The following PHRF1 variants were observed in gnomAD, a reference collection of about 807,000 sequenced individuals.
PHRF1 encodes the protein PHD and ring finger domains 1, also known as PHD and RING finger domain-containing protein 1.
PHRF1 carries 53 observed loss-of-function variants against 128.9 expected under a neutral mutation model. The ratio of observed to expected loss-of-function variants is 0.41; its 90% confidence interval spans 0.33 to 0.52. The LOEUF (loss-of-function observed/expected upper bound fraction) is 0.52. PHRF1 is among the 20% of genes least tolerant of loss of function. The pLI is 0.21. For synonymous variants in PHRF1, 1,178 were observed against 980.6 expected, an observed-to-expected ratio of 1.20 and a Z score of -3.76; for missense variants, 2,503 against 2,284.5, an observed-to-expected ratio of 1.10 and a Z score of -1.95.
chr11:607,072 T>C lies in PHRF1; in HGVS notation c.1616T>C (p.Val539Ala). 1 of 1,553,480 alleles carries C rather than the reference T, an allele frequency of 6.4e-7. No individual in the cohort carries two copies. The highest frequency in any genetic ancestry group is 8.7e-7 in the Non-Finnish European group (1 of 1,148,992). ...GSLSAKRAAP[V>A]SFQRNSGSLS... ...TGACTTTTTTGTTTTTTAGCTCCAG[T>C]TTCTTTTCAGCGAAACTCAGGCAGT... The change falls in exon 14 of 18, where the codon GTT becomes GCT. Residue 539 changes from valine to alanine, a missense_variant. Val to Ala is a moderately conservative substitution (Grantham distance 64, BLOSUM62 0). Transcript: ENST00000264555.
rs1856289280 is a variant in PHRF1 at position 610,316 on chromosome 11, A to T, written c.4385A>T (p.Glu1462Val). 1 of 1,565,686 alleles carries T rather than the reference A, an allele frequency of 6.4e-7. No individual in the cohort carries two copies. Among genetic ancestry groups the T allele is most frequent in the Admixed American group, 1.9e-5 (1 of 53,724 alleles). The change falls in exon 15 of 18, where the codon GAA becomes GTA. Residue 1462 changes from glutamate (E) to valine (V), a missense_variant. Glu to Val is a moderately radical substitution (Grantham distance 121, BLOSUM62 -2). Transcript: ENST00000264555. ...ELPFPSHVLPEPGFPDTDPSQ... is the reference protein window; with the variant it reads ...ELPFPSHVLPVPGFPDTDPSQ... Reference sequence around the variant, plus strand: ...CCCTTTCCCAGTCACGTGCTTCCGGAACCCGGGTTCCCAGACACAGACCCC... The same window carrying T: ...CCCTTTCCCAGTCACGTGCTTCCGGTACCCGGGTTCCCAGACACAGACCCC...
chr11:611,512 C>A, intron 17 of PHRF1, 122 bp from the exon 18 acceptor site: 1 of 1,385,320 alleles, frequency 7.2e-7, no homozygotes, highest in Non-Finnish European at 9.8e-7. Context: ...CGTCTGTCTG[C>A]GTGCTGCACC....
At chr11:588,751 A>G (rs1854743752) in intron 4 of PHRF1, among the ~76,000 whole-genome samples, 1 of 152,096 alleles carries the variant, frequency 6.6e-6, no homozygotes, top group Non-Finnish European at 1.5e-5. Flanking sequence ...GAGGAACAAG[A>G]TACAGTGTTT....
At chr11:603,163 C>G (rs1376783959) in intron 10 of PHRF1, among the ~76,000 whole-genome samples, 1 of 152,106 alleles carries the variant, frequency 6.6e-6, no homozygotes, top group Non-Finnish European at 1.5e-5. Flanking sequence ...CCAGGTGATC[C>G]TCCCACCTCA....
At chr11:596,671 C>T (rs890843825) in intron 6 of PHRF1, among the ~76,000 whole-genome samples, 2 of 152,234 alleles carry the variant, frequency 1.3e-5, no homozygotes, top group South Asian at 2.1e-4. Context: ...GCCGCCTCCC[C>T]GCTGTGACCT....
In PHRF1 at chr11:607,586, C is replaced by T. The variant is rs1246032095; in HGVS notation, c.2130C>T (p.Cys710=). 1.9e-6 allele frequency: 3 copies of T among 1,612,476 alleles called. No individual in the cohort carries two copies. Among genetic ancestry groups the T allele is most frequent in the South Asian group, 2.2e-5 (2 of 91,080 alleles). ...AGAGCATTGAGATCCCCAGTGCCTG[C>T]ATCAGCCGACTGACTGGCAGGGAGG... ...HGQSIEIPSA[C]ISRLTGREGT... Residue 710 remains cysteine, a synonymous_variant, in exon 14 of 18, where the codon TGC becomes TGT. Coordinates refer to ENST00000264555, the MANE Select transcript of PHRF1 (RefSeq NM_001286581.2).
chr11:582,835 C>G (rs900811671), intron 3 of PHRF1, among the ~76,000 whole-genome samples: 2 of 150,940 alleles, frequency 1.3e-5, no homozygotes, highest in Non-Finnish European at 3.0e-5. Flanking sequence ...TTTTTCAAGA[C>G]GAGCCTGGCC....
intron 3 of PHRF1, among the ~76,000 whole-genome samples, chr11:586,288 C>T (rs1409774297): frequency 4.6e-5 from 7 of 152,162 alleles, no homozygotes; most frequent in African/African-American, 7.2e-5. Flanking sequence ...CCACCACGCC[C>T]GGCCAGTAGC....
Position 610,709 on chromosome 11 carries a change from A to C in PHRF1, c.4625A>C (p.Glu1542Ala). ...CAAGCCACTGCAGCCAGCAACTCGG[A>C]GGAGAAGACCCCGGCCCCCAGGCTA... ...ASQATAASNS[E>A]EKTPAPRLAA... The change falls in exon 16 of 18, where the codon GAG becomes GCG. Residue 1542 changes from glutamate (E) to alanine (A), a missense_variant. Glu to Ala is a moderately radical substitution (Grantham distance 107). Coordinates refer to ENST00000264555, the MANE Select transcript of PHRF1 (RefSeq NM_001286581.2). 3 of 1,603,090 alleles carry C rather than the reference A, an allele frequency of 1.9e-6. No individual in the cohort carries two copies. Among genetic ancestry groups the C allele is most frequent in the Non-Finnish European group, 8.5e-7 (1 of 1,179,718 alleles).
chr11:604,744 T>A (rs1184545397), intron 10 of PHRF1, among the ~76,000 whole-genome samples: 1 of 152,210 alleles, frequency 6.6e-6, no homozygotes, highest in African/African-American at 2.4e-5. Flanking sequence ...CAAGCTGGCC[T>A]CAAATGATCT....
At chr11:576,786 G>C (rs1487625321) in intron 1 of PHRF1, among the ~76,000 whole-genome samples, 194 bp downstream of exon 1, 1 of 107,960 alleles carries the variant, frequency 9.3e-6, no homozygotes, top group Non-Finnish European at 2.1e-5. Context: ...CGCCGAGACT[G>C]GGAGGCCCCG....
rs760363323 is a variant in PHRF1, at chr11:607,153, C to G, written c.1697C>G (p.Ser566Cys). 8.7e-6 allele frequency: 14 copies of G among 1,612,862 alleles called. No homozygotes were observed. Among genetic ancestry groups the G allele is most frequent in the Non-Finnish European group, 1.2e-5 (14 of 1,179,802 alleles). Residue 566 changes from serine to cysteine, a missense_variant, in exon 14 of 18, where the codon TCC becomes TGC. Physicochemically the swap from Ser to Cys is moderately radical, Grantham distance 112. Coordinates refer to ENST00000264555, the MANE Select transcript of PHRF1 (RefSeq NM_001286581.2). ...KGCLQPRALPSGSPAQGPSGN... is the reference protein window; with the variant it reads ...KGCLQPRALPCGSPAQGPSGN... ...TGCCTGCAGCCCCGAGCACTGCCCT[C>G]CGGGAGCCCGGCCCAAGGCCCGTCA...
intron 10 of PHRF1, among the ~76,000 whole-genome samples, chr11:603,029 G>A (rs1855732800): frequency 6.6e-6 from 1 of 151,914 alleles, no homozygotes; most frequent in Admixed American, 6.6e-5. Flanking sequence ...CAAAGTGCTG[G>A]GATTACAGGA....
Position 610,661 on chromosome 11 carries a change from C to T in PHRF1, c.4577C>T (p.Thr1526Ile), listed in dbSNP as rs1856317438. The T allele has an allele frequency of 4.4e-6, 7 of 1,604,018 alleles. No homozygotes were observed. The African/African-American group carries it at 8.0e-5, about 18-fold the overall frequency. ...CTGGCCCCAGTGCCCGCTGCCCTGA[C>T]CCCAGCCTCAGAGCCAGCCAGTCAA... ...QTLAPVPAAL[T>I]PASEPASQAT... The change falls in exon 16 of 18, where the codon ACC (threonine) becomes ATC (isoleucine). Residue 1526 changes from threonine to isoleucine, a missense_variant. Physicochemically the swap from Thr to Ile is moderately conservative, Grantham distance 89. Transcript: ENST00000264555.
intron 14 of PHRF1, 125 bp downstream of exon 14, chr11:609,845 G>T: frequency 1.6e-6 from 1 of 644,806 alleles, no homozygotes; most frequent in Admixed American, 3.2e-5. Flanking sequence ...CCCCCCGTGA[G>T]TAGGGCCCTG....
Position 587,376 on chromosome 11 carries a change from G to A in PHRF1, c.332G>A (p.Cys111Tyr). 6.2e-7 allele frequency: 1 copy of A among 1,613,920 alleles called. No homozygotes were observed. Among genetic ancestry groups the A allele is most frequent in the Non-Finnish European group, 8.5e-7 (1 of 1,179,906 alleles). ...GATGATGCAGAGAGCTGCCCAATCT[G>A]TCTCAACGCATTCAGAGACCAGGCC... is the stretch of plus-strand genomic sequence containing the variant. ...SDDDAESCPI[C>Y]LNAFRDQAVG... The change falls in exon 4 of 18, where the codon TGT becomes TAT. Residue 111 changes from cysteine (C) to tyrosine (Y), a missense_variant. Physicochemically the swap from Cys to Tyr is radical, Grantham distance 194. Transcript: ENST00000264555.
Position 581,503 on chromosome 11 carries a change from A to C in PHRF1, c.-10A>C. The C allele has an allele frequency of 6.2e-7, 1 of 1,613,410 alleles. No homozygotes were observed. The highest frequency in any genetic ancestry group is 8.5e-7 in the Non-Finnish European group (1 of 1,179,774). ...CTTCTTTCTTTCAGAGCTGAGCTCA[A>C]TGTGCAGCAATGGATGACGACAGCC... On this transcript the variant is annotated 5_prime_UTR_variant, in exon 2 of 18. It removes an upstream start codon present in the reference 5' UTR. Coordinates refer to ENST00000264555, the MANE Select transcript of PHRF1 (RefSeq NM_001286581.2).
At chr11:600,775 G>A (rs1364150833) in intron 9 of PHRF1, among the ~76,000 whole-genome samples, 3 of 151,976 alleles carry the variant, frequency 2.0e-5, no homozygotes, top group Non-Finnish European at 2.9e-5. Flanking sequence ...GACCATCCTG[G>A]CTAACACGGT....
chr11:590,303 C>T (rs1193359729), intron 4 of PHRF1, among the ~76,000 whole-genome samples: 1 of 152,204 alleles, frequency 6.6e-6, no homozygotes, highest in Non-Finnish European at 1.5e-5. Context: ...GGAGTGCGCC[C>T]ACACGAAGAC....
Sources: gnomAD v4.1 joint callset for allele counts (sites outside exome capture counted in the v4.1 genomes callset) on GRCh38, gnomAD v4.1.1 for gene constraint, MANE v1.5 for transcripts, NCBI Gene and HGNC (gene_info 2026-07-23, HGNC 2026-07-21) for gene names.